Variants in CFAP97D2 observed in about 807,000 individuals in gnomAD.
The protein encoded by CFAP97D2 is uncharacterized protein CFAP97D2.
intron 4 of CFAP97D2, among the ~76,000 whole-genome samples, chr13:114,217,885 AAG>A (rs2081002902): frequency 6.6e-6 from 1 of 152,248 alleles, no homozygotes; most frequent in Non-Finnish European, 1.5e-5. Flanking sequence ...TCAAAATAAT[AAG>A]AGCTATTTAT....
intron 4 of CFAP97D2, among the ~76,000 whole-genome samples, chr13:114,219,340 G>T (rs1320768816): frequency 6.6e-6 from 1 of 151,934 alleles, no homozygotes; most frequent in Non-Finnish European, 1.5e-5. Flanking sequence ...CTCATTTCTG[G>T]CTCTTTTGTT....
intron 2 of CFAP97D2, among the ~76,000 whole-genome samples, chr13:114,197,708 A>C (rs2080893964): frequency 6.9e-6 from 1 of 144,642 alleles, no homozygotes; most frequent in Non-Finnish European, 1.5e-5. Context: ...TTTGAGATAG[A>C]GTCTCACTGT....
chr13:114,182,705 C>T (rs143384595), intron 1 of CFAP97D2, among the ~76,000 whole-genome samples: 1,735 of 152,046 alleles, frequency 0.011, 94 homozygotes, highest in Admixed American at 0.081. Flanking sequence ...TAACAAGGCA[C>T]GTCCTGCACA....
rs547891147 is a variant in CFAP97D2 at position 114,179,606 on chromosome 13, G to A, written c.90+186G>A. Among the ~76,000 whole-genome samples, 4 of 151,916 alleles carry A rather than the reference G, an allele frequency of 2.6e-5. No individual in the cohort carries two copies. The highest frequency in any genetic ancestry group is 5.9e-5 in the Non-Finnish European group (4 of 68,004). On this transcript the variant is annotated intron_variant, in intron 1 of 4. Transcript: ENST00000646158. This position sits in a 1 kb window ranked among gnomAD's most constrained non-coding sequence, Gnocchi z 4.8. ...CATACAATAAAAATCTCATTAAATA[G>A]TTGACGGCTTTCTTTCTTTCTTTTT...
At chr13:114,222,811 T>C, downstream of CFAP97D2, 1 of 349,604 alleles carries the variant, frequency 2.9e-6, no homozygotes, top group Non-Finnish European at 5.1e-6. The surrounding 1 kb of genome is among the most constrained non-coding windows in gnomAD (Gnocchi z 4.4). Context: ...GTTTCAACAA[T>C]GTGCCCGAGC....
chr13:114,181,631 C>T (rs1158702624), intron 1 of CFAP97D2, among the ~76,000 whole-genome samples: 2 of 152,162 alleles, frequency 1.3e-5, no homozygotes, highest in Non-Finnish European at 2.9e-5. Flanking sequence ...CAATGTTTCT[C>T]CCAAATTAAG....
At position 114,189,884 on chromosome 13, in the gene CFAP97D2, G is replaced by A. The variant is rs1488807535; in HGVS notation, c.91-6512G>A. Reference sequence around the variant, plus strand: ...CAGGCTGGGCATGGTGGCTCGCCCTGTAATCAGAACACTTTGGGTGGCTGA... The same window carrying A: ...CAGGCTGGGCATGGTGGCTCGCCCTATAATCAGAACACTTTGGGTGGCTGA... On this transcript the variant is annotated intron_variant, in intron 1 of 4. Coordinates refer to ENST00000646158, the Ensembl canonical transcript of CFAP97D2. The surrounding 1 kb of genome is among the most constrained non-coding windows in gnomAD (Gnocchi z 4.5). Among the ~76,000 whole-genome samples, 6 of 152,142 alleles carry A rather than the reference G, an allele frequency of 3.9e-5. No individual in the cohort carries two copies. Among genetic ancestry groups the A allele is most frequent in the Non-Finnish European group, 7.4e-5 (5 of 68,018 alleles).
At chr13:114,210,450 T>C (rs1224340270) in intron 3 of CFAP97D2, among the ~76,000 whole-genome samples, 2 of 152,210 alleles carry the variant, frequency 1.3e-5, no homozygotes, top group Non-Finnish European at 2.9e-5. Context: ...TGATCCGATC[T>C]AACCCTTGAC....
At chr13:114,191,959 T>C (rs2080870916) in intron 1 of CFAP97D2, among the ~76,000 whole-genome samples, 1 of 149,594 alleles carries the variant, frequency 6.7e-6, no homozygotes, top group Non-Finnish European at 1.5e-5. Context: ...ATATTATTAA[T>C]TGAAAGGAGC....
chr13:114,215,488 A>T (rs1377255171), intron 4 of CFAP97D2, among the ~76,000 whole-genome samples: 1 of 152,208 alleles, frequency 6.6e-6, no homozygotes, highest in African/African-American at 2.4e-5. Flanking sequence ...AGCTAAGATT[A>T]TGCAAGTATT....
chr13:114,200,401 C>T, exon 3 of CFAP97D2: 1 of 398,696 alleles, frequency 2.5e-6, no homozygotes, highest in African/African-American at 2.1e-5. Context: ...GTCATGAGGA[C>T]CAGGGGACAG....
chr13:114,190,781 G>T (rs558497589), intron 1 of CFAP97D2, among the ~76,000 whole-genome samples: 1 of 152,288 alleles, frequency 6.6e-6, no homozygotes, highest in African/African-American at 2.4e-5. Context: ...AACTCATTCT[G>T]ATGTTTATAC....
intron 1 of CFAP97D2, among the ~76,000 whole-genome samples, chr13:114,181,950 T>C (rs1323011664): frequency 6.6e-6 from 1 of 152,092 alleles, no homozygotes; most frequent in Non-Finnish European, 1.5e-5. Context: ...TGGGTATTTC[T>C]AGTCGGGTGG....
At chr13:114,204,466 G>A (rs953892851) in intron 3 of CFAP97D2, among the ~76,000 whole-genome samples, 1 of 152,152 alleles carries the variant, frequency 6.6e-6, no homozygotes, top group Non-Finnish European at 1.5e-5. Flanking sequence ...TACTAAGAAA[G>A]CTATAGTAAT....
At chr13:114,209,090 A>G (rs2080954717) in intron 3 of CFAP97D2, among the ~76,000 whole-genome samples, 1 of 152,224 alleles carries the variant, frequency 6.6e-6, no homozygotes. Context: ...TACTCATGAA[A>G]AGAAAAGAGA....
chr13:114,197,535 G>A (rs2080893319), intron 2 of CFAP97D2, among the ~76,000 whole-genome samples: 1 of 152,146 alleles, frequency 6.6e-6, no homozygotes, highest in Admixed American at 6.5e-5. Flanking sequence ...AGGGGGCTTA[G>A]AATTTTATTT....
chr13:114,218,360 C>T (rs1054918237), intron 4 of CFAP97D2, among the ~76,000 whole-genome samples: 3 of 152,276 alleles, frequency 2.0e-5, no homozygotes, highest in African/African-American at 7.2e-5. Flanking sequence ...TAAACCACTG[C>T]TCAACAAAAT....
At chr13:114,181,625 G>A (rs2080832817) in intron 1 of CFAP97D2, among the ~76,000 whole-genome samples, 1 of 152,132 alleles carries the variant, frequency 6.6e-6, no homozygotes, top group South Asian at 2.1e-4. Flanking sequence ...TGCAAACAAT[G>A]TTTCTCCCAA....
At chr13:114,192,851 G>GA (rs2080874558) in intron 1 of CFAP97D2, among the ~76,000 whole-genome samples, 1 of 152,012 alleles carries the variant, frequency 6.6e-6, no homozygotes, top group Admixed American at 6.6e-5. Flanking sequence ...ATAGGCTGAG[G>GA]AAAAAATTAT....
Sources: allele counts gnomAD v4.1 joint callset (sites outside exome capture counted in the v4.1 genomes callset), GRCh38; gene constraint gnomAD v4.1.1; non-coding constraint Gnocchi (gnomAD v3.1); transcripts MANE v1.5; gene names NCBI Gene and HGNC (gene_info 2026-07-23, HGNC 2026-07-21).